Variants in ADAP1 observed in about 807,000 individuals in gnomAD.
ADAP1 encodes arf-GAP with dual PH domain-containing protein 1.
A neutral mutation model predicts 54.9 loss-of-function variants in ADAP1; 31 were observed. The ratio of observed to expected loss-of-function variants is 0.56; its 90% CI spans 0.42 to 0.76. The LOEUF is 0.76. Among genes scored for constraint, ADAP1 ranks in the 30% least tolerant of loss-of-function variants. The pLI, the probability that ADAP1 is intolerant of heterozygous loss-of-function variation, is 0.00. For missense variants in ADAP1, 535 were observed against 512.4 expected, an observed-to-expected ratio of 1.04 and a Z score of -0.42; for synonymous variants, 313 against 202.6, an observed-to-expected ratio of 1.55 and a Z score of -4.63.
intron 3 of ADAP1, among the ~76,000 whole-genome samples, chr7:925,083 G>A (rs1346635981): frequency 2.6e-5 from 4 of 152,066 alleles, no homozygotes; most frequent in Non-Finnish European, 4.4e-5. Context: ...GGGGATTGCA[G>A]CTGGACCTGT....
Position 926,240 on chromosome 7 carries a change from G to T in ADAP1, c.305+313C>A, listed in dbSNP as rs911841016. ...GCCCCTCCCGTTCCCCTCCCAGACCGCCAGGAGCACCTGGGAGGGCCCCTC... is the reference window on the plus strand; with the variant it reads ...GCCCCTCCCGTTCCCCTCCCAGACCTCCAGGAGCACCTGGGAGGGCCCCTC... On this transcript the variant is annotated intron_variant, in intron 3 of 10. Transcript: ENST00000265846. The surrounding 1 kb of genome is among the most constrained non-coding windows in gnomAD (Gnocchi z 4.6). 4.0e-5 allele frequency among the ~76,000 whole-genome samples: 6 copies of T among 151,880 alleles called. No individual in the cohort carries two copies. Among genetic ancestry groups the T allele is most frequent in the African/African-American group, 1.2e-4 (5 of 41,342 alleles).
intron 4 of ADAP1, among the ~76,000 whole-genome samples, chr7:915,195 C>T (rs774617409): frequency 9.2e-5 from 10 of 108,788 alleles, no homozygotes; most frequent in Non-Finnish European, 1.5e-4. Flanking sequence ...ACGGCACTCA[C>T]GGCACCTTCA....
At chr7:901,204 C>T in intron 6 of ADAP1, 1 of 359,052 alleles carries the variant, frequency 2.8e-6, no homozygotes, top group South Asian at 2.1e-5. Flanking sequence ...CCAGGCCTGG[C>T]ACCCAGCCCC....
At chr7:951,242 G>T (rs574340603) in intron 1 of ADAP1, among the ~76,000 whole-genome samples, 1 of 151,636 alleles carries the variant, frequency 6.6e-6, no homozygotes, top group African/African-American at 2.4e-5. Flanking sequence ...GCGTGGTGGC[G>T]GGTGCCTGTA....
intron 1 of ADAP1, among the ~76,000 whole-genome samples, chr7:942,595 AGGGAGAGAG>A (rs1562936071): frequency 1.7e-5 from 1 of 57,292 alleles, no homozygotes; most frequent in Non-Finnish European, 4.1e-5. Flanking sequence ...AGGAGGAGGA[AGGGAGAGAG>A]GAGGAGGAAG....
At chr7:899,970 C>G (rs1286301858) in intron 8 of ADAP1, 132 bp downstream of exon 8, 1 of 1,121,672 alleles carries the variant, frequency 8.9e-7, no homozygotes, top group South Asian at 1.4e-5. Context: ...CAGGCACAGA[C>G]AAGGGGCTGT....
intron 2 of ADAP1, among the ~76,000 whole-genome samples, chr7:929,059 A>G (rs544924474): frequency 6.2e-4 from 94 of 152,176 alleles, no homozygotes; most frequent in African/African-American, 2.1e-3. Context: ...TTCAGGAGGC[A>G]GAGGTGGGCA....
intron 4 of ADAP1, among the ~76,000 whole-genome samples, chr7:906,791 C>CGGGACAGGGGACAGGG (rs1845469137): frequency 3.5e-5 from 1 of 28,686 alleles, no homozygotes; most frequent in African/African-American, 9.4e-5. Context: ...ACACGGGGGA[C>CGGGACAGGGGACAGGG]GGGACAGGGG....
At chr7:918,266 G>C (rs1343288036) in intron 4 of ADAP1, among the ~76,000 whole-genome samples, 4 of 152,304 alleles carry the variant, frequency 2.6e-5, no homozygotes, top group African/African-American at 9.6e-5. Flanking sequence ...ACCCGGCCTG[G>C]AGTGCAGTGG....
intron 2 of ADAP1, 188 bp downstream of exon 2, chr7:935,187 G>A (rs1846712534): frequency 3.7e-6 from 3 of 813,258 alleles, no homozygotes; most frequent in Non-Finnish European, 6.2e-6. Context: ...GCACGGGGTG[G>A]GTGGAGCAGC....
Position 907,045 on chromosome 7 carries a change from G to GCCTCCTC in ADAP1, c.389-1880_389-1874dup, listed in dbSNP as rs992875477. Among the ~76,000 whole-genome samples, 5 of 152,088 alleles carry GCCTCCTC rather than the reference G, an allele frequency of 3.3e-5. No homozygotes were observed. The South Asian group carries it at 6.2e-4, about 19-fold the overall frequency. On this transcript the variant is annotated intron_variant, in intron 4 of 10. Transcript: ENST00000265846. ...CGTGCTGCCCGGGAGGACCAGGCTG[G>GCCTCCTC]CCTCCTCCCTCCTCCCTCAGCCGTC...
At chr7:902,475 A>AATGCCTGGGCGTG (rs1491159593) in intron 6 of ADAP1, among the ~76,000 whole-genome samples, 2 of 142,264 alleles carry the variant, frequency 1.4e-5, no homozygotes, top group African/African-American at 2.7e-5. Flanking sequence ...AAAAAAAGAA[A>AATGCCTGGGCGTG]GAAAAGAAAG....
intron 1 of ADAP1, among the ~76,000 whole-genome samples, chr7:948,845 C>T (rs868775956): frequency 5.3e-5 from 8 of 152,140 alleles, no homozygotes; most frequent in Non-Finnish European, 8.8e-5. Context: ...TTCAGGCGTG[C>T]GCCACCACAC....
At chr7:906,201 G>GAA (rs1845298798) in intron 4 of ADAP1, among the ~76,000 whole-genome samples, 1 of 59,716 alleles carries the variant, frequency 1.7e-5, no homozygotes, top group Non-Finnish European at 4.1e-5. Flanking sequence ...GGAGAAAGGA[G>GAA]AAAGGAGAAA....
At chr7:948,240 G>C (rs527870237) in intron 1 of ADAP1, among the ~76,000 whole-genome samples, 1 of 151,700 alleles carries the variant, frequency 6.6e-6, no homozygotes, top group African/African-American at 2.4e-5. Context: ...CCTTGCCCGG[G>C]TGGGATCCCA....
At chr7:921,879 C>T (rs536607514) in intron 3 of ADAP1, among the ~76,000 whole-genome samples, 5 of 152,312 alleles carry the variant, frequency 3.3e-5, no homozygotes, top group Admixed American at 2.0e-4. Context: ...CGCCTGCCAA[C>T]GGCCCTCAGG....
intron 4 of ADAP1, among the ~76,000 whole-genome samples, chr7:911,541 G>A (rs937994126): frequency 2.0e-5 from 3 of 147,680 alleles, no homozygotes; most frequent in Non-Finnish European, 3.0e-5. Flanking sequence ...GGAAAGGGGC[G>A]GGGATCACAC....
At chr7:919,860 G>A in intron 4 of ADAP1, 108 bp downstream of exon 4, 1 of 488,018 alleles carries the variant, frequency 2.0e-6, no homozygotes, top group South Asian at 2.0e-5. Flanking sequence ...GGAAAGAGAT[G>A]GGGGAGGGAG....
At chr7:944,223 C>T (rs572495403) in intron 1 of ADAP1, among the ~76,000 whole-genome samples, 59 of 150,732 alleles carry the variant, frequency 3.9e-4, no homozygotes, top group African/African-American at 1.4e-3. Context: ...AACCAAGTCC[C>T]TGTTTTATTT....
Sources: gnomAD v4.1 joint callset for allele counts (sites outside exome capture counted in the v4.1 genomes callset) on GRCh38, gnomAD v4.1.1 for gene constraint, Gnocchi (gnomAD v3.1) non-coding constraint, MANE v1.5 for transcripts, NCBI Gene and HGNC (gene_info 2026-07-23, HGNC 2026-07-21) for gene names.